The following BRCC3 variants were observed in gnomAD, a reference collection of about 807,000 sequenced individuals.
BRCC3 encodes the protein BRCA1/BRCA2-containing complex subunit 3, also known as lys-63-specific deubiquitinase BRCC36.
BRCC3 carries 15 observed loss-of-function variants against 28.0 expected under a neutral mutation model. That is an observed-to-expected ratio of 0.54 (90% confidence interval 0.36 to 0.82). The LOEUF is 0.82. Ranked by LOEUF, BRCC3 falls within the 40% of genes least tolerant of loss-of-function variation. BRCC3 has a pLI of 0.01. For synonymous variants in BRCC3, 66 were observed against 80.3 expected, an observed-to-expected ratio of 0.82 and a Z score of 0.95; for missense variants, 109 against 225.9, an observed-to-expected ratio of 0.48 and a Z score of 3.32.
chrX:155,091,515 G>A (rs1309090716), intron 7 of BRCC3, among the ~76,000 whole-genome samples: 3 of 110,842 alleles, frequency 2.7e-5, no homozygotes, highest in Non-Finnish European at 3.8e-5. Flanking sequence ...CAGGTGATCC[G>A]CCTGCCTCGG....
intron 7 of BRCC3, among the ~76,000 whole-genome samples, chrX:155,104,894 TGC>T (rs2074268610): frequency 8.8e-6 from 1 of 113,057 alleles, no homozygotes; most frequent in Admixed American, 9.3e-5. Context: ...TTTGGACATA[TGC>T]CTAAGAGTGT....
At chrX:155,093,658 T>G (rs1160723066) in intron 7 of BRCC3, among the ~76,000 whole-genome samples, 1 of 107,099 alleles carries the variant, frequency 9.3e-6, no homozygotes, top group Non-Finnish European at 1.9e-5. Flanking sequence ...CTGGTGATGC[T>G]TCCTCTCTCA....
rs142678376 is a variant in BRCC3, at chrX:155,086,299, C to T, written c.404-2964C>T. 6.5e-3 allele frequency among the ~76,000 whole-genome samples: 721 copies of T among 111,601 alleles called. 4 individuals carry two copies. Among genetic ancestry groups the T allele is most frequent in the South Asian group, 0.011 (30 of 2,662 alleles). ...GTGGCTTTTAACAGCAACATGCATG[C>T]GATGTCCACATTGTGCACCCAGTCT... On this transcript the variant is annotated intron_variant, in intron 5 of 10. Coordinates refer to ENST00000330045, the MANE Select transcript of BRCC3 (RefSeq NM_001018055.3).
intron 9 of BRCC3, among the ~76,000 whole-genome samples, chrX:155,119,469 T>A (rs1167578530): frequency 8.9e-6 from 1 of 112,335 alleles, no homozygotes; most frequent in Non-Finnish European, 1.9e-5. Flanking sequence ...CAGTAAAGCA[T>A]AAAAGATGGT....
chrX:155,077,128 G>A, intron 3 of BRCC3, 42 bp from the exon 4 acceptor site: 1 of 1,110,734 alleles, frequency 9.0e-7, no homozygotes. Flanking sequence ...ATGTGTTATT[G>A]GAGAGAGCTG....
At chrX:155,080,424 C>T (rs1346350697) in intron 5 of BRCC3, among the ~76,000 whole-genome samples, 2 of 104,457 alleles carry the variant, frequency 1.9e-5, no homozygotes, top group Non-Finnish European at 3.9e-5. Flanking sequence ...TGTAATGCAG[C>T]AGTAACAGTA....
chrX:155,119,821 T>C (rs2074378723), intron 9 of BRCC3, among the ~76,000 whole-genome samples, 178 bp from the exon 10 acceptor site: 8 of 112,168 alleles, frequency 7.1e-5, no homozygotes, highest in Admixed American at 6.6e-4. Context: ...CTTCTGTTTT[T>C]CCCCTGGCTG....
intron 7 of BRCC3, among the ~76,000 whole-genome samples, chrX:155,113,280 T>G (rs2074333999): frequency 9.2e-6 from 1 of 109,120 alleles, no homozygotes; most frequent in African/African-American, 3.3e-5. Context: ...CAAAAGTAAC[T>G]ACAAAGCTAC....
In BRCC3 at chrX:155,122,734, A is replaced by G. The variant is rs2074395210; in HGVS notation, c.*1530A>G. 1 of 111,449 alleles carries G rather than the reference A, an allele frequency of 9.0e-6. No individual in the cohort carries two copies. The highest frequency in any genetic ancestry group is 3.3e-5 in the African/African-American group (1 of 30,620). The allele number at this position is 111,449 out of a possible 1,213,427, so 9.2% of individuals were successfully genotyped here. A position where few individuals can be genotyped will look rare whatever the true frequency, so the allele number is the denominator to read the frequency against. On this transcript the variant is annotated 3_prime_UTR_variant, in exon 11 of 11. Coordinates refer to ENST00000330045, the MANE Select transcript of BRCC3 (RefSeq NM_001018055.3). ...GGGTATTATGGTGAACAAAAAAAAA[A>G]CCAGTCTCAAATGGTCACATACTGT...
chrX:155,113,109 G>GGCTT (rs1557298320), intron 7 of BRCC3, among the ~76,000 whole-genome samples: 1 of 94,294 alleles, frequency 1.1e-5, no homozygotes, highest in African/African-American at 4.0e-5. Context: ...ACATCCCAAT[G>GGCTT]GCTTGCTTGC....
intron 7 of BRCC3, among the ~76,000 whole-genome samples, chrX:155,102,516 T>C (rs1413828690): frequency 8.9e-6 from 1 of 112,204 alleles, no homozygotes; most frequent in Non-Finnish European, 1.9e-5. Flanking sequence ...TTATGTCATC[T>C]GTGATTAAAG....
intron 3 of BRCC3, among the ~76,000 whole-genome samples, chrX:155,074,450 C>G (rs1342623813): frequency 1.8e-5 from 2 of 111,738 alleles, no homozygotes; most frequent in African/African-American, 3.3e-5. Context: ...CCTTGAATCT[C>G]TAAACTCTCA....
At chrX:155,072,231 C>G (rs1355564517) in intron 1 of BRCC3, 96 bp from the exon 2 acceptor site, 2 of 689,628 alleles carry the variant, frequency 2.9e-6, no homozygotes, top group East Asian at 6.5e-5. Flanking sequence ...ATACCATGTG[C>G]GTGAACACAT....
intron 8 of BRCC3, 120 bp downstream of exon 8, chrX:155,116,308 A>G (rs1172149638): frequency 1.6e-6 from 1 of 641,427 alleles, no homozygotes; most frequent in Non-Finnish European, 2.3e-6. Flanking sequence ...CTCTCTGGGA[A>G]GCTTTCTAGC....
At chrX:155,092,369 A>T (rs1252313918) in intron 7 of BRCC3, among the ~76,000 whole-genome samples, 1 of 111,978 alleles carries the variant, frequency 8.9e-6, no homozygotes, top group East Asian at 2.8e-4. Context: ...CTAAGCATTT[A>T]TATTTTCACA....
chrX:155,099,186 T>C, intron 7 of BRCC3: 1 of 151,353 alleles, frequency 6.6e-6, no homozygotes, highest in East Asian at 2.0e-4. Context: ...ATTAGAAATG[T>C]TTTTTTTTTT....
chrX:155,073,515 G>T lies in BRCC3; in HGVS notation c.195+84G>T, dbSNP rs2298259. ...TCCAGTGATCTCAGCCAGAGTATGC[G>T]GTTTCTGGCTGGATGAGATATTCTT... is the stretch of plus-strand genomic sequence containing the variant. On this transcript the variant is annotated intron_variant, in intron 3 of 10. Transcript: ENST00000330045. 44 of 1,014,197 alleles carry T rather than the reference G, an allele frequency of 4.3e-5. No individual in the cohort carries two copies. In the East Asian group the frequency reaches 1.3e-3, roughly 30 times the overall value. 83.6% of individuals were successfully genotyped at this position (1,014,197 alleles called of 1,213,427 possible).
chrX:155,099,362 C>T, intron 7 of BRCC3: 2 of 1,208,651 alleles, frequency 1.7e-6, no homozygotes, highest in Non-Finnish European at 1.1e-6. Flanking sequence ...CAGCACATCT[C>T]CATTGAGGGC....
At chrX:155,091,486 G>A (rs1557295656) in intron 7 of BRCC3, among the ~76,000 whole-genome samples, 1 of 110,321 alleles carries the variant, frequency 9.1e-6, no homozygotes, top group Non-Finnish European at 1.9e-5. Flanking sequence ...TGGCCAGGAT[G>A]GTCTCAAACT....
Sources: allele counts gnomAD v4.1 joint callset (sites outside exome capture counted in the v4.1 genomes callset), GRCh38; gene constraint gnomAD v4.1.1; transcripts MANE v1.5; gene names NCBI Gene and HGNC (gene_info 2026-07-23, HGNC 2026-07-21).